Variants in TECRL observed in about 807,000 individuals in gnomAD.
The protein encoded by TECRL is trans-2,3-enoyl-CoA reductase-like.
A neutral mutation model predicts 52.8 loss-of-function variants in TECRL; 63 were observed. That is an observed-to-expected ratio of 1.19 (90% CI 0.97 to 1.47). The LOEUF is 1.47. TECRL is among the 40% of genes most tolerant of loss of function. TECRL has a pLI of 0.00. For synonymous variants in TECRL, 164 were observed against 141.9 expected, an observed-to-expected ratio of 1.16 and a Z score of -1.10; for missense variants, 482 against 429.6, an observed-to-expected ratio of 1.12 and a Z score of -1.08.
chr4:64,285,311 G>C (rs959284273), intron 9 of TECRL, among the ~76,000 whole-genome samples: 4 of 152,036 alleles, frequency 2.6e-5, no homozygotes, highest in Admixed American at 2.6e-4. Flanking sequence ...CAATAGAGTT[G>C]ACTGAGTCCA....
Position 64,406,159 on chromosome 4 carries a change from C to CGT in TECRL, c.234+2958_234+2959insAC, listed in dbSNP as rs1282591396. ...TTTTTATTTGTTAGGCGCGCGCGCG[C>CGT]GCGCGCGTGTGTGTGTGTGTGTATG... On this transcript the variant is annotated intron_variant, in intron 1 of 11. Transcript: ENST00000381210. 2.9e-3 allele frequency among the ~76,000 whole-genome samples: 439 copies of CGT among 150,136 alleles called. 2 individuals are homozygous for CGT. In the Middle Eastern group the frequency reaches 0.034, roughly 12 times the overall value.
intron 8 of TECRL, among the ~76,000 whole-genome samples, chr4:64,290,084 G>A (rs1279916512): frequency 1.3e-5 from 2 of 152,130 alleles, no homozygotes; most frequent in East Asian, 1.9e-4. Flanking sequence ...AGATCATACA[G>A]AGACAACTCT....
intron 2 of TECRL, among the ~76,000 whole-genome samples, chr4:64,338,441 T>C (rs1043837559): frequency 4.6e-5 from 7 of 152,150 alleles, no homozygotes; most frequent in Non-Finnish European, 1.0e-4. Flanking sequence ...TGGGATCTAA[T>C]TAAACTCAAG....
At chr4:64,375,843 AT>A (rs1188136229) in intron 1 of TECRL, among the ~76,000 whole-genome samples, 3 of 151,862 alleles carry the variant, frequency 2.0e-5, no homozygotes, top group Non-Finnish European at 2.9e-5. Flanking sequence ...TGAATAAAAT[AT>A]TTTTTATTCA....
chr4:64,397,581 A>C (rs954271516), intron 1 of TECRL: 1 of 151,728 alleles, frequency 6.6e-6, no homozygotes, highest in African/African-American at 2.4e-5. Flanking sequence ...GCCATAAACT[A>C]TGAACCAGGA....
chr4:64,309,946 A>G lies in TECRL; in HGVS notation c.552-15T>C, dbSNP rs758381680. Reference sequence around the variant, plus strand: ...AGCAAGCCAAGCTGGAAAAAAAAATAAAACATAAACATGAAAATCCTTTTG... The same window carrying G: ...AGCAAGCCAAGCTGGAAAAAAAAATGAAACATAAACATGAAAATCCTTTTG... On this transcript the variant is annotated splice_polypyrimidine_tract_variant and intron_variant, in intron 5 of 11. Transcript: ENST00000381210. 4 of 1,509,014 alleles carry G rather than the reference A, an allele frequency of 2.7e-6. No homozygotes were observed. Among genetic ancestry groups the G allele is most frequent in the Non-Finnish European group, 2.7e-6 (3 of 1,100,834 alleles). The allele number at this position is 1,509,014 out of a possible 1,614,324, so 93.5% of individuals were successfully genotyped here. A position where few individuals can be genotyped will look rare whatever the true frequency, so the allele number is the denominator to read the frequency against.
rs546100791 is a variant in TECRL at position 64,357,526 on chromosome 4, A to T, written c.286+17646T>A. On this transcript the variant is annotated intron_variant, in intron 2 of 11. Coordinates refer to ENST00000381210, the MANE Select transcript of TECRL (RefSeq NM_001010874.5). ...CTGATATTCAGATATTATTTTGAAA[A>T]CAAAGAAATTAATATAAGTTTATCT... 2.0e-5 allele frequency among the ~76,000 whole-genome samples: 3 copies of T among 151,680 alleles called. No individual in the cohort carries two copies. In the East Asian group the frequency reaches 5.8e-4, roughly 29 times the overall value.
chr4:64,395,703 T>A (rs984510048), intron 1 of TECRL, among the ~76,000 whole-genome samples: 2 of 152,206 alleles, frequency 1.3e-5, no homozygotes, highest in Admixed American at 1.3e-4. Context: ...AGGGTACATG[T>A]GCAGGTTTGT....
chr4:64,306,526 G>T (rs1396005961), intron 6 of TECRL, among the ~76,000 whole-genome samples: 1 of 152,068 alleles, frequency 6.6e-6, no homozygotes, highest in African/African-American at 2.4e-5. Context: ...TCAATGTTAT[G>T]TATGTTTTTG....
intron 2 of TECRL, among the ~76,000 whole-genome samples, chr4:64,369,115 A>C (rs919838816): frequency 6.6e-6 from 1 of 152,164 alleles, no homozygotes; most frequent in Admixed American, 6.6e-5. Flanking sequence ...CTAATAGATA[A>C]CACGAAAGTC....
At chr4:64,345,089 ACACTTTTACACT>A (rs1719854671) in intron 2 of TECRL, among the ~76,000 whole-genome samples, 1 of 152,166 alleles carries the variant, frequency 6.6e-6, no homozygotes, top group Admixed American at 6.5e-5. Flanking sequence ...AGAAATAGGA[ACACTTTTACACT>A]GTTGGTGGGA....
At chr4:64,394,330 C>T (rs924244948) in intron 1 of TECRL, among the ~76,000 whole-genome samples, 13 of 152,056 alleles carry the variant, frequency 8.5e-5, no homozygotes, top group African/African-American at 3.1e-4. Flanking sequence ...CCATTTTCCT[C>T]ATTGTTGTGT....
chr4:64,333,623 C>T (rs1395076087), intron 2 of TECRL, among the ~76,000 whole-genome samples: 2 of 152,072 alleles, frequency 1.3e-5, no homozygotes, highest in Non-Finnish European at 2.9e-5. Flanking sequence ...TATTCTTTGA[C>T]TTTAAACCAT....
intron 2 of TECRL, among the ~76,000 whole-genome samples, chr4:64,368,804 T>C (rs1290012871): frequency 1.3e-5 from 2 of 152,158 alleles, no homozygotes; most frequent in Non-Finnish European, 2.9e-5. Context: ...GAACACTCAT[T>C]ATTTTCTACT....
At chr4:64,358,995 GT>G (rs1720982084) in intron 2 of TECRL, among the ~76,000 whole-genome samples, 1 of 151,698 alleles carries the variant, frequency 6.6e-6, no homozygotes, top group Non-Finnish European at 1.5e-5. Context: ...CAATAATGAA[GT>G]ATTATTAATA....
rs553897633 is a variant in TECRL, at chr4:64,367,044, C to T, written c.286+8128G>A. On this transcript the variant is annotated intron_variant, in intron 2 of 11. Transcript: ENST00000381210. ...ATGGTACATATAATGCCATGGAGTA[C>T]TATGCAGCCATAAAAAAGAATAAAA... Among the ~76,000 whole-genome samples the T allele has an allele frequency of 6.8e-4, 103 of 152,204 alleles. 3 individuals are homozygous for T. The highest frequency in any genetic ancestry group is 2.3e-3 in the African/African-American group (95 of 41,554).
chr4:64,329,392 A>C (rs1718475980), intron 2 of TECRL, among the ~76,000 whole-genome samples: 1 of 151,800 alleles, frequency 6.6e-6, no homozygotes, highest in South Asian at 2.1e-4. Flanking sequence ...AGCAGAGATG[A>C]CTCAGGACTA....
At position 64,377,096 on chromosome 4, in the gene TECRL, G is replaced by A. The variant is rs528082647; in HGVS notation, c.235-1873C>T. On this transcript the variant is annotated intron_variant, in intron 1 of 11. Transcript: ENST00000381210. The stretch of plus-strand genomic sequence containing the variant: ...CAAGACTAACATTGTTTTCCTGAAC[G>A]AAACCTTCATGTGGAATAGGGATGT... 4.6e-5 allele frequency among the ~76,000 whole-genome samples: 7 copies of A among 151,946 alleles called. No individual in the cohort carries two copies. In the South Asian group the frequency reaches 1.0e-3, roughly 22 times the overall value.
chr4:64,277,079 A>T (rs1722598490), downstream of TECRL: 2 of 1,465,924 alleles, frequency 1.4e-6, no homozygotes, highest in Non-Finnish European at 1.8e-6. Context: ...AAATAAATTT[A>T]AAAAACACAT....
Sources: gnomAD v4.1 joint callset for allele counts (sites outside exome capture counted in the v4.1 genomes callset) on GRCh38, gnomAD v4.1.1 for gene constraint, MANE v1.5 for transcripts, NCBI Gene and HGNC (gene_info 2026-07-23, HGNC 2026-07-21) for gene names.